Variants in MCPH1 observed in about 807,000 individuals in gnomAD.
MCPH1 encodes microcephalin 1, also known as microcephalin.
Under a neutral mutation model 84.5 loss-of-function variants are expected in MCPH1, and 104 were observed. That is an observed-to-expected ratio of 1.23 (90% CI 1.05 to 1.45). The LOEUF (loss-of-function observed/expected upper bound fraction) is 1.45, where lower values mean the gene tolerates loss of function less well. Ranked by LOEUF, MCPH1 falls within the 40% of genes most tolerant of loss-of-function variation. The pLI is 0.00. For missense variants in MCPH1, 1,498 were observed against 1,005.7 expected (o/e 1.49, Z -6.62); for synonymous variants, 514 against 366.8 (o/e 1.40, Z -4.58).
chr8:6,621,495 C>G lies in MCPH1; in HGVS notation c.2256C>G (p.Arg752=), dbSNP rs35999761. 5.0e-5 allele frequency: 81 copies of G among 1,614,148 alleles called. 1 individual carries two copies. The African/African-American group carries it at 7.3e-4, about 15-fold the overall frequency. Residue 752 remains arginine (R), a synonymous_variant, in exon 13 of 14, where the codon CGC becomes CGG. Transcript: ENST00000344683. ...SECHLSAGPY[R]GTLFADQPAM... is the part of the protein sequence containing the mutation. ...GCCACTTGTCTGCAGGGCCGTACCG[C>G]GGAACCCTCTTTGCCGACCAGCCAG...
chr8:6,478,525 T>A (rs1220027732), intron 10 of MCPH1, among the ~76,000 whole-genome samples: 1 of 152,214 alleles, frequency 6.6e-6, no homozygotes, highest in African/African-American at 2.4e-5. Context: ...AATAAAACTT[T>A]TCATTTAGGC....
intron 12 of MCPH1, among the ~76,000 whole-genome samples, chr8:6,573,241 G>A (rs944189964): frequency 1.1e-4 from 16 of 152,250 alleles, no homozygotes; most frequent in Non-Finnish European, 1.2e-4. Context: ...GTGGAGTGCT[G>A]TGTGCAGAAG....
At chr8:6,549,573 G>T (rs942712447) in intron 12 of MCPH1, among the ~76,000 whole-genome samples, 2 of 151,788 alleles carry the variant, frequency 1.3e-5, no homozygotes, top group African/African-American at 4.8e-5. Flanking sequence ...AGGGAGCCGC[G>T]TGCAGGGCGG....
intron 12 of MCPH1, among the ~76,000 whole-genome samples, chr8:6,531,478 G>A (rs1249924198): frequency 1.3e-5 from 2 of 151,976 alleles, no homozygotes; most frequent in Admixed American, 1.3e-4. Context: ...TTTTAGTAGA[G>A]ACGGGTTTTC....
Position 6,595,538 on chromosome 8 carries a change from C to T in MCPH1, c.2215-25916C>T, listed in dbSNP as rs147647523. ...GGGGAAGAGGAGGCAGCAGCACAGT[C>T]GGGATGAACTGGCAGGTGGGCTTCT... On this transcript the variant is annotated intron_variant, in intron 12 of 13. Coordinates refer to ENST00000344683, the MANE Select transcript of MCPH1 (RefSeq NM_024596.5). 3.0e-4 allele frequency among the ~76,000 whole-genome samples: 45 copies of T among 152,318 alleles called. No homozygotes were observed. In the East Asian group the frequency reaches 8.5e-3, roughly 29 times the overall value.
At chr8:6,518,240 A>T (rs1816667539) in intron 12 of MCPH1, among the ~76,000 whole-genome samples, 1 of 152,110 alleles carries the variant, frequency 6.6e-6, no homozygotes, top group Admixed American at 6.5e-5. Flanking sequence ...CCCCCTCTTG[A>T]CACTCCTGTC....
At chr8:6,529,158 G>C (rs1356541081) in intron 12 of MCPH1, among the ~76,000 whole-genome samples, 1 of 152,186 alleles carries the variant, frequency 6.6e-6, no homozygotes, top group Non-Finnish European at 1.5e-5. Context: ...TTTCTGGAGA[G>C]CATCAAACCG....
intron 8 of MCPH1, among the ~76,000 whole-genome samples, chr8:6,447,810 A>C (rs1343456970): frequency 6.6e-6 from 1 of 152,168 alleles, no homozygotes; most frequent in Non-Finnish European, 1.5e-5. Flanking sequence ...CGGCCTCCCA[A>C]AGTGTTGGGA....
intron 2 of MCPH1, among the ~76,000 whole-genome samples, chr8:6,411,351 T>C (rs1798511531): frequency 6.6e-6 from 1 of 152,118 alleles, no homozygotes; most frequent in African/African-American, 2.4e-5. Flanking sequence ...TGCAGCTATA[T>C]AGAAATAAAT....
Position 6,631,378 on chromosome 8 carries a change from A to G in MCPH1, c.2452+9687A>G, listed in dbSNP as rs145735236. Among the ~76,000 whole-genome samples the G allele has an allele frequency of 5.6e-3, 857 of 152,354 alleles. 3 individuals are homozygous for G. Among genetic ancestry groups the G allele is most frequent in the Non-Finnish European group, 8.5e-3 (577 of 68,026 alleles). On this transcript the variant is annotated intron_variant, in intron 13 of 13. Coordinates refer to ENST00000344683, the MANE Select transcript of MCPH1 (RefSeq NM_024596.5). ...CAGTGCATCAAAGGATACAGTCAAC[A>G]GAGTGAAAAGCAATCTATGGAGTAG...
chr8:6,439,089 C>A lies in MCPH1; in HGVS notation c.573C>A (p.Ser191=). 1 of 1,612,858 alleles carries A rather than the reference C, an allele frequency of 6.2e-7. No individual in the cohort carries two copies. The highest frequency in any genetic ancestry group is 8.5e-7 in the Non-Finnish European group (1 of 1,179,586). The change falls in exon 6 of 14, where the codon TCC becomes TCA. Residue 191 remains serine (S), a synonymous_variant. Transcript: ENST00000344683. ...QEMKEKRENL[S]PTSSQMIQQS... is the part of the protein sequence containing the mutation. ...TGAAGGAGAAAAGGGAAAATCTTTCCCCCACCTGTAAGTAATTAGTTTGTA... is the reference window on the plus strand; with the variant it reads ...TGAAGGAGAAAAGGGAAAATCTTTCACCCACCTGTAAGTAATTAGTTTGTA...
intron 12 of MCPH1, chr8:6,562,997 C>T (rs1825792569): frequency 2.6e-6 from 4 of 1,511,406 alleles, no homozygotes; most frequent in Non-Finnish European, 3.6e-6. Context: ...TCCAGAGTCC[C>T]GAGCTGCTGC....
intron 11 of MCPH1, among the ~76,000 whole-genome samples, chr8:6,490,049 G>A (rs528524333): frequency 6.6e-6 from 1 of 152,148 alleles, no homozygotes; most frequent in South Asian, 2.1e-4. Context: ...AAGTAACACA[G>A]GTCTTCAGTG....
intron 12 of MCPH1, among the ~76,000 whole-genome samples, chr8:6,586,132 A>AT (rs942297968): frequency 5.6e-4 from 85 of 151,044 alleles, no homozygotes; most frequent in Admixed American, 9.9e-4. Context: ...ACGCTTTCTG[A>AT]TTTTTTTTTG....
chr8:6,503,310 C>G, intron 12 of MCPH1: 3 of 1,603,676 alleles, frequency 1.9e-6, no homozygotes, highest in Non-Finnish European at 2.6e-6. Flanking sequence ...GATGCCAGCT[C>G]CCACCACGAA....
intron 12 of MCPH1, among the ~76,000 whole-genome samples, chr8:6,597,690 T>A (rs1829035568): frequency 6.6e-6 from 1 of 152,214 alleles, no homozygotes; most frequent in African/African-American, 2.4e-5. Context: ...CTCTCTTTGC[T>A]AATTTCTTCG....
At chr8:6,587,737 G>A (rs1003094498) in intron 12 of MCPH1, among the ~76,000 whole-genome samples, 1 of 152,324 alleles carries the variant, frequency 6.6e-6, no homozygotes, top group East Asian at 1.9e-4. Context: ...GGGAGCTTGG[G>A]TAGATAAGAA....
At chr8:6,573,118 C>T (rs960842643) in intron 12 of MCPH1, among the ~76,000 whole-genome samples, 2 of 152,096 alleles carry the variant, frequency 1.3e-5, no homozygotes, top group Non-Finnish European at 2.9e-5. Flanking sequence ...ATGGGTGAGT[C>T]GGAGATGCGG....
In MCPH1 at chr8:6,644,640, GATCTCTA is replaced by G. The variant is rs1798125883; in HGVS notation, c.*1592_*1598del. On this transcript the variant is annotated 3_prime_UTR_variant, in exon 14 of 14. Coordinates refer to ENST00000344683, the MANE Select transcript of MCPH1 (RefSeq NM_024596.5). ...AACACGTATAACCAAGGAGGCAAAGGATCTCTACAAGGAGAACCATAAACGAGATGCT... is the reference window on the plus strand; with the variant it reads ...AACACGTATAACCAAGGAGGCAAAGGCAAGGAGAACCATAAACGAGATGCT... 1 of 152,136 alleles carries G rather than the reference GATCTCTA, an allele frequency of 6.6e-6. No homozygotes were observed. The highest frequency in any genetic ancestry group is 1.5e-5 in the Non-Finnish European group (1 of 68,032). The allele number at this position is 152,136 out of a possible 1,614,324, so 9.4% of individuals were successfully genotyped here. A position where few individuals can be genotyped will look rare whatever the true frequency, so the allele number is the denominator to read the frequency against.
Sources: gnomAD v4.1 joint callset for allele counts (sites outside exome capture counted in the v4.1 genomes callset) on GRCh38, gnomAD v4.1.1 for gene constraint, MANE v1.5 for transcripts, NCBI Gene and HGNC (gene_info 2026-07-23, HGNC 2026-07-21) for gene names.